CD109: variants seen among roughly 807,000 people sequenced by gnomAD.
The protein encoded by CD109 is CD109 antigen.
In CD109, 149 loss-of-function variants were observed where a neutral mutation model predicts 165.8. The ratio of observed to expected loss-of-function variants is 0.90; its 90% CI spans 0.79 to 1.03. The LOEUF is 1.03. Among genes scored for constraint, CD109 ranks in the 50% least tolerant of loss-of-function variants. The probability of loss-of-function intolerance (pLI) is 0.00; values close to 1 mark genes in which losing one functional copy is unlikely to be tolerated. For synonymous variants in CD109, 585 were observed against 592.1 expected, an observed-to-expected ratio of 0.99 and a Z score of 0.18; for missense variants, 1,712 against 1,677.8, an observed-to-expected ratio of 1.02 and a Z score of -0.36.
intron 22 of CD109, among the ~76,000 whole-genome samples, chr6:73,790,099 CTT>C (rs56024477): frequency 1.1e-4 from 14 of 130,036 alleles, no homozygotes; most frequent in Non-Finnish European, 1.1e-4. Flanking sequence ...GCTAAAAGTC[CTT>C]TTTTTTTTTT....
intron 4 of CD109, among the ~76,000 whole-genome samples, chr6:73,734,348 T>A (rs1259281732): frequency 6.6e-6 from 1 of 152,238 alleles, no homozygotes; most frequent in Admixed American, 6.5e-5. Flanking sequence ...AATATGGACA[T>A]TCCATTTTCC....
In CD109 at chr6:73,766,019, T is replaced by C. The variant is rs747147410; in HGVS notation, c.1197T>C (p.Thr399=). The part of the protein sequence containing the change: ...VVITVTQRNY[T]EYWSGSNSGN... ...TAACAGTGACACAGAGAAACTATAC[T>C]GAGTACTGGAGCGGATCTAACAGTG... is the stretch of plus-strand genomic sequence containing the variant. Residue 399 remains threonine, a synonymous_variant, in exon 11 of 33, where the codon ACT becomes ACC. Transcript: ENST00000287097. The C allele has an allele frequency of 6.2e-7, 1 of 1,614,018 alleles. No homozygotes were observed. The highest frequency in any genetic ancestry group is 8.5e-7 in the Non-Finnish European group (1 of 1,179,908).
chr6:73,683,388 T>C, the CD109 span, among the ~76,000 whole-genome samples: 1 of 152,168 alleles, frequency 6.6e-6, no homozygotes, highest in Admixed American at 6.5e-5. Context: ...TTTGCTCCAG[T>C]TCCCAACAAG....
chr6:73,827,689 C>G lies in CD109; in HGVS notation c.*4056C>G, dbSNP rs1283091413. On this transcript the variant is annotated 3_prime_UTR_variant, in exon 33 of 33. Transcript: ENST00000287097. ...TGTGTTTTCATGTCTCATCAAAAGA[C>G]AATACCACATTGCATCATTTTACAA... 1 of 152,092 alleles carries G rather than the reference C, an allele frequency of 6.6e-6. No individual in the cohort carries two copies. Among genetic ancestry groups the G allele is most frequent in the African/African-American group, 2.4e-5 (1 of 41,430 alleles). The allele number at this position is 152,092 out of a possible 1,614,324, so 9.4% of individuals were successfully genotyped here. A position where few individuals can be genotyped will look rare whatever the true frequency, so the allele number is the denominator to read the frequency against.
chr6:73,727,269 A>T (rs1772175603), intron 3 of CD109, among the ~76,000 whole-genome samples: 1 of 152,124 alleles, frequency 6.6e-6, no homozygotes, highest in South Asian at 2.1e-4. Context: ...CTGGAGCACC[A>T]CCCAGAGTAC....
At chr6:73,712,505 T>C (rs530794725) in intron 2 of CD109, among the ~76,000 whole-genome samples, 1 of 152,286 alleles carries the variant, frequency 6.6e-6, no homozygotes, top group East Asian at 1.9e-4. Flanking sequence ...TTTCTGTACC[T>C]AGTTGGATTT....
At chr6:73,681,407 A>G in the CD109 span, among the ~76,000 whole-genome samples, 1 of 151,616 alleles carries the variant, frequency 6.6e-6, no homozygotes, top group South Asian at 2.1e-4. Context: ...TATTTCAAGA[A>G]TACAATATGG....
At chr6:73,723,376 T>G in intron 3 of CD109, 97 bp downstream of exon 3, 1 of 949,966 alleles carries the variant, frequency 1.1e-6, no homozygotes, top group Non-Finnish European at 1.6e-6. Flanking sequence ...ATTCACACAT[T>G]TCACGTTTCA....
intron 14 of CD109, among the ~76,000 whole-genome samples, chr6:73,770,204 G>A (rs1393613416): frequency 6.6e-6 from 1 of 152,186 alleles, no homozygotes; most frequent in Non-Finnish European, 1.5e-5. Context: ...AGAAAGACAT[G>A]CCTGGGTTGT....
At chr6:73,808,467 A>G (rs1013120764) in intron 26 of CD109, among the ~76,000 whole-genome samples, 14 of 152,012 alleles carry the variant, frequency 9.2e-5, no homozygotes, top group African/African-American at 3.1e-4. Context: ...TCTTTATTTT[A>G]GATATGTGAT....
intron 23 of CD109, among the ~76,000 whole-genome samples, chr6:73,793,744 C>A (rs775929978): frequency 2.6e-4 from 39 of 152,124 alleles, no homozygotes; most frequent in Non-Finnish European, 5.3e-4. Flanking sequence ...TTTGTATTTC[C>A]TTATTAGTGG....
intron 23 of CD109, 78 bp from the exon 24 acceptor site, chr6:73,803,142 A>G (rs1169680176): frequency 3.2e-6 from 3 of 951,646 alleles, no homozygotes; most frequent in African/African-American, 3.3e-5. Context: ...TATTTCCTCA[A>G]TATGAAGTCA....
chr6:73,768,065 G>C lies in CD109; in HGVS notation c.1508G>C (p.Arg503Thr), dbSNP rs189257663. ...TACTGTTCTTTTCAGGTAGTATCCAGGGGACAGTTGGTGGCTGTAGGAAAA... is the reference window on the plus strand; with the variant it reads ...TACTGTTCTTTTCAGGTAGTATCCACGGGACAGTTGGTGGCTGTAGGAAAA... The part of the protein sequence containing the change: ...LKELSYMVVS[R>T]GQLVAVGKQN... Residue 503 changes from arginine (R) to threonine (T), a missense_variant, in exon 14 of 33, where the codon AGG becomes ACG. Arg to Thr is a moderately conservative substitution (Grantham distance 71). Transcript: ENST00000287097. The C allele has an allele frequency of 4.3e-6, 7 of 1,612,916 alleles. No individual in the cohort carries two copies. Among genetic ancestry groups the C allele is most frequent in the East Asian group, 2.2e-5 (1 of 44,756 alleles).
chr6:73,816,531 T>C (rs1775943992), intron 30 of CD109, among the ~76,000 whole-genome samples: 1 of 152,236 alleles, frequency 6.6e-6, no homozygotes, highest in Non-Finnish European at 1.5e-5. Flanking sequence ...CTTACAGGCA[T>C]GAGCCACTGT....
chr6:73,710,867 T>C (rs952749368), intron 2 of CD109, among the ~76,000 whole-genome samples: 5 of 152,218 alleles, frequency 3.3e-5, no homozygotes, highest in African/African-American at 1.2e-4. Flanking sequence ...ACTCTGCCTT[T>C]ATAGCTCGGA....
intron 2 of CD109, among the ~76,000 whole-genome samples, chr6:73,709,135 T>C (rs945144784): frequency 2.0e-5 from 3 of 152,202 alleles, no homozygotes; most frequent in African/African-American, 7.2e-5. Context: ...TGGTTTTAGG[T>C]CTAACATTTA....
rs1209482071 is a variant in CD109, at chr6:73,823,542, G to T, written c.4247G>T (p.Cys1416Phe). 2 of 1,613,848 alleles carry T rather than the reference G, an allele frequency of 1.2e-6. No homozygotes were observed. The highest frequency in any genetic ancestry group is 1.7e-6 in the Non-Finnish European group (2 of 1,179,944). Residue 1416 changes from cysteine to phenylalanine, a missense_variant, in exon 33 of 33, where the codon TGT becomes TTT. Cys to Phe is a radical substitution (Grantham distance 205, BLOSUM62 -2). Coordinates refer to ENST00000287097, the MANE Select transcript of CD109 (RefSeq NM_133493.5). ...AGTGATGTCCAGGGCTGCCGTCCTT[G>T]TGAGGATGGAGCTTCAGGCTCCCAT... is the stretch of plus-strand genomic sequence containing the variant. ...LCSDVQGCRP[C>F]EDGASGSHHH...
chr6:73,735,605 T>C (rs1009652147), intron 4 of CD109, among the ~76,000 whole-genome samples: 4 of 152,164 alleles, frequency 2.6e-5, no homozygotes, highest in African/African-American at 9.6e-5. Context: ...GATTGTTGTT[T>C]GGGAGGTTAT....
At chr6:73,731,587 A>G (rs1040774251) in intron 4 of CD109, among the ~76,000 whole-genome samples, 5 of 152,202 alleles carry the variant, frequency 3.3e-5, no homozygotes, top group Middle Eastern at 6.3e-3. Flanking sequence ...TGGCCATGAT[A>G]GGGACTTTGA....
Sources: allele counts gnomAD v4.1 joint callset (sites outside exome capture counted in the v4.1 genomes callset), GRCh38; gene constraint gnomAD v4.1.1; transcripts MANE v1.5; gene names NCBI Gene and HGNC (gene_info 2026-07-23, HGNC 2026-07-21).